CDH13: variants seen among roughly 807,000 people sequenced by gnomAD.
CDH13 encodes cadherin 13, also known as cadherin-13.
Under a neutral mutation model 63.8 loss-of-function variants are expected in CDH13, and 24 were observed. The ratio of observed to expected loss-of-function variants is 0.38; its 90% confidence interval spans 0.27 to 0.53. CDH13 has a LOEUF of 0.53. Ranked by LOEUF, CDH13 falls within the 20% of genes least tolerant of loss-of-function variation. The probability of loss-of-function intolerance (pLI) is 0.85; values close to 1 mark genes in which losing one functional copy is unlikely to be tolerated. For synonymous variants in CDH13, 503 were observed against 355.3 expected (o/e 1.42, Z -4.67); for missense variants, 1,049 against 903.1 (o/e 1.16, Z -2.07).
chr16:83,461,694 C>T (rs2073185875), intron 6 of CDH13, among the ~76,000 whole-genome samples: 1 of 152,140 alleles, frequency 6.6e-6, no homozygotes, highest in Non-Finnish European at 1.5e-5. Flanking sequence ...AGTTTTCTCC[C>T]AGCATCTTGA....
intron 6 of CDH13, among the ~76,000 whole-genome samples, chr16:83,424,962 C>T (rs116757298): frequency 1.3e-5 from 2 of 152,302 alleles, no homozygotes; most frequent in African/African-American, 4.8e-5. Context: ...TTGCATTTAA[C>T]CTTTTGCTGC....
At chr16:83,056,273 C>T (rs1597237805) in intron 3 of CDH13, among the ~76,000 whole-genome samples, 1 of 152,166 alleles carries the variant, frequency 6.6e-6, no homozygotes, top group East Asian at 1.9e-4. Flanking sequence ...GCTGAACATT[C>T]TTGACCTAGA....
intron 3 of CDH13, among the ~76,000 whole-genome samples, chr16:83,109,839 A>C (rs551670805): frequency 6.6e-6 from 1 of 152,212 alleles, no homozygotes; most frequent in African/African-American, 2.4e-5. Context: ...ATGTGGTTGA[A>C]CGGGCTTCCG....
At chr16:83,500,862 A>G (rs2074269178) in intron 7 of CDH13, among the ~76,000 whole-genome samples, 1 of 151,952 alleles carries the variant, frequency 6.6e-6, no homozygotes, top group African/African-American at 2.4e-5. Context: ...TTGCAGGCAT[A>G]AGCCACCACA....
intron 10 of CDH13, among the ~76,000 whole-genome samples, chr16:83,744,123 C>T (rs1380495150): frequency 6.6e-6 from 1 of 152,178 alleles, no homozygotes; most frequent in Non-Finnish European, 1.5e-5. Context: ...TAGCACCAAG[C>T]TGGGCCCAAG....
At chr16:83,151,969 A>G (rs150772525) in intron 4 of CDH13, among the ~76,000 whole-genome samples, 1 of 152,178 alleles carries the variant, frequency 6.6e-6, no homozygotes, top group African/African-American at 2.4e-5. Context: ...GGAAAAGAAA[A>G]AAAAGAAAGT....
intron 5 of CDH13, among the ~76,000 whole-genome samples, chr16:83,273,087 G>C (rs899147072): frequency 2.6e-5 from 4 of 152,132 alleles, no homozygotes; most frequent in Non-Finnish European, 2.9e-5. Context: ...GCACCACAAA[G>C]CTGCTATCCA....
Position 83,102,966 on chromosome 16 carries a change from T to C in CDH13, c.367-22419T>C, listed in dbSNP as rs78012919. On this transcript the variant is annotated intron_variant, in intron 3 of 13. Coordinates refer to ENST00000567109, the MANE Select transcript of CDH13 (RefSeq NM_001257.5). ...TCTTTTTCTTTTTTTTTTTTTTTTT[T>C]TTTTGAGGTGGAGTCCTGCTCTGTC... 6.7e-4 allele frequency among the ~76,000 whole-genome samples: 92 copies of C among 138,194 alleles called. 2 individuals carry two copies. In the South Asian group the frequency reaches 0.02, roughly 30 times the overall value. The allele number at this position is 138,194 out of a possible 152,430, so 90.7% of individuals were successfully genotyped here.
At chr16:83,031,374 G>GTATACACGTATATGTATATACA (rs1353214064) in intron 2 of CDH13, among the ~76,000 whole-genome samples, 57 of 69,236 alleles carry the variant, frequency 8.2e-4, no homozygotes, top group African/African-American at 3.8e-3. Flanking sequence ...ACATGTATAT[G>GTATACACGTATATGTATATACA]TATACACGTA....
At position 83,510,492 on chromosome 16, in the gene CDH13, C is replaced by A. The variant is rs112448212; in HGVS notation, c.960+23837C>A. Among the ~76,000 whole-genome samples, 5 of 152,304 alleles carry A rather than the reference C, an allele frequency of 3.3e-5. 1 individual carries two copies. Among genetic ancestry groups the A allele is most frequent in the African/African-American group, 1.2e-4 (5 of 41,564 alleles). ...GAATAATTTTCTTTTGCAAAGTTTTCATTTCTCAAAATGCTACCAGGAAAA... is the reference window on the plus strand; with the variant it reads ...GAATAATTTTCTTTTGCAAAGTTTTAATTTCTCAAAATGCTACCAGGAAAA... On this transcript the variant is annotated intron_variant, in intron 7 of 13. Transcript: ENST00000567109.
chr16:83,241,486 A>G (rs1488310062), intron 5 of CDH13, among the ~76,000 whole-genome samples: 1 of 152,192 alleles, frequency 6.6e-6, no homozygotes, highest in African/African-American at 2.4e-5. Flanking sequence ...TGTCTTTTCA[A>G]TACTTACTCT....
At chr16:82,751,704 A>T (rs545188460) in intron 1 of CDH13, among the ~76,000 whole-genome samples, 4 of 27,998 alleles carry the variant, frequency 1.4e-4, no homozygotes, top group African/African-American at 7.6e-4. Flanking sequence ...GAAAACAGGT[A>T]AAAAAAAAAA....
At chr16:83,677,863 C>G (rs1401713581) in intron 9 of CDH13, among the ~76,000 whole-genome samples, 1 of 152,050 alleles carries the variant, frequency 6.6e-6, no homozygotes, top group Admixed American at 6.6e-5. Context: ...CTAACGATAT[C>G]TCAGAGGGAG....
chr16:83,526,765 C>G (rs900939463), intron 7 of CDH13, among the ~76,000 whole-genome samples: 4 of 152,184 alleles, frequency 2.6e-5, no homozygotes, highest in African/African-American at 9.7e-5. Flanking sequence ...TTACCTTAGC[C>G]CTTTGTCCCA....
At chr16:83,314,670 C>T (rs1452646218) in intron 5 of CDH13, among the ~76,000 whole-genome samples, 2 of 152,104 alleles carry the variant, frequency 1.3e-5, no homozygotes, top group Non-Finnish European at 1.5e-5. Flanking sequence ...AAGAAAATGG[C>T]GGTGTTGGAC....
At chr16:83,573,876 G>T (rs1250786109) in intron 7 of CDH13, among the ~76,000 whole-genome samples, 3 of 152,140 alleles carry the variant, frequency 2.0e-5, no homozygotes, top group Non-Finnish European at 4.4e-5. Flanking sequence ...ATTGGTAGCT[G>T]TCCCATTATT....
At chr16:82,917,532 C>T (rs529135319) in intron 2 of CDH13, among the ~76,000 whole-genome samples, 57 of 152,104 alleles carry the variant, frequency 3.7e-4, no homozygotes, top group African/African-American at 1.2e-3. Context: ...GTGAGACATA[C>T]GCAAAGAAAG....
chr16:83,637,363 G>C lies in CDH13; in HGVS notation c.1102-33427G>C, dbSNP rs1911359824. ...GGTGATTTCTGCATTTCCATCTGAG[G>C]TACCGGGTTCATCTCACTAGGGAGT... On this transcript the variant is annotated intron_variant, in intron 8 of 13. Coordinates refer to ENST00000567109, the MANE Select transcript of CDH13 (RefSeq NM_001257.5). 5.2e-5 allele frequency among the ~76,000 whole-genome samples: 4 copies of C among 76,956 alleles called. No homozygotes were observed. In the South Asian group the frequency reaches 3.1e-3, roughly 61 times the overall value. The allele number at this position is 76,956 out of a possible 152,430, so 50.5% of individuals were successfully genotyped here.
Position 82,806,859 on chromosome 16 carries a change from G to T in CDH13, c.46-51503G>T, listed in dbSNP as rs540786006. Among the ~76,000 whole-genome samples, 7 of 152,244 alleles carry T rather than the reference G, an allele frequency of 4.6e-5. No homozygotes were observed. The South Asian group carries it at 1.5e-3, about 32-fold the overall frequency. ...ATAAAGAAGGACAAAACATAACTGA[G>T]AAATACAGTGTAAAAGGAGGAATTT... On this transcript the variant is annotated intron_variant, in intron 1 of 13. Transcript: ENST00000567109.
Sources: gnomAD v4.1 joint callset for allele counts (sites outside exome capture counted in the v4.1 genomes callset) on GRCh38, gnomAD v4.1.1 for gene constraint, MANE v1.5 for transcripts, NCBI Gene and HGNC (gene_info 2026-07-23, HGNC 2026-07-21) for gene names.